EPHA8: variants seen among roughly 807,000 people sequenced by gnomAD.
The protein encoded by EPHA8 is EPH receptor A8.
A neutral mutation model predicts 103.6 loss-of-function variants in EPHA8; 58 were observed. The ratio of observed to expected loss-of-function variants is 0.56; its 90% CI spans 0.45 to 0.70. The LOEUF is 0.70. EPHA8 is among the 30% of genes least tolerant of loss of function. The probability of loss-of-function intolerance (pLI) is 0.00; values close to 1 mark genes in which losing one functional copy is unlikely to be tolerated. For synonymous variants in EPHA8, 559 were observed against 572.5 expected, an observed-to-expected ratio of 0.98 and a Z score of 0.34; for missense variants, 1,304 against 1,395.2, an observed-to-expected ratio of 0.93 and a Z score of 1.04.
intron 1 of EPHA8, among the ~76,000 whole-genome samples, chr1:22,568,647 TA>T (rs908799805): frequency 1.3e-5 from 2 of 152,344 alleles, no homozygotes; most frequent in African/African-American, 4.8e-5. Context: ...GGGTGCCCAC[TA>T]AGAGGCAGCT....
At position 22,596,364 on chromosome 1, in the gene EPHA8, C is replaced by T. The variant is rs1641518668; in HGVS notation, c.1765+191C>T. Reference sequence around the variant, plus strand: ...GCGCCGTTCATGCCTCCTGGACTCTCAGACCCCATTCAGGATGCTAGAGAT... The same window carrying T: ...GCGCCGTTCATGCCTCCTGGACTCTTAGACCCCATTCAGGATGCTAGAGAT... On this transcript the variant is annotated intron_variant, in intron 9 of 16. Coordinates refer to ENST00000166244, the MANE Select transcript of EPHA8 (RefSeq NM_020526.5). 3.3e-5 allele frequency among the ~76,000 whole-genome samples: 5 copies of T among 152,238 alleles called. No individual in the cohort carries two copies. In the South Asian group the frequency reaches 1.0e-3, roughly 31 times the overall value.
chr1:22,600,632 G>A (rs1198243102), intron 13 of EPHA8, 29 bp from the exon 14 acceptor site: 1 of 1,610,080 alleles, frequency 6.2e-7, no homozygotes, highest in Admixed American at 1.7e-5. Flanking sequence ...GGCCTGGGCA[G>A]CCCCTCAACT....
intron 8 of EPHA8, 62 bp from the exon 9 acceptor site, chr1:22,596,044 T>A: frequency 6.7e-7 from 1 of 1,503,696 alleles, no homozygotes; most frequent in Non-Finnish European, 9.2e-7. Context: ...GTTCCCTGGT[T>A]GGGGTCAGGT....
At chr1:22,583,330 G>A (rs1014540150) in intron 3 of EPHA8, among the ~76,000 whole-genome samples, 6 of 152,186 alleles carry the variant, frequency 3.9e-5, no homozygotes, top group East Asian at 1.9e-4. Flanking sequence ...TTTTCATTGC[G>A]TGGATTAATC....
chr1:22,589,101 G>A lies in EPHA8; in HGVS notation c.1210G>A (p.Ala404Thr), dbSNP rs751900514. 1.5e-5 allele frequency: 24 copies of A among 1,613,612 alleles called. No individual in the cohort carries two copies. Among genetic ancestry groups the A allele is most frequent in the Non-Finnish European group, 2.0e-5 (24 of 1,179,926 alleles). ...QASLLVANLL[A>T]HMNYSFWIEA... is the part of the protein sequence containing the mutation. The stretch of plus-strand genomic sequence containing the variant: ...CAGCCTGCTGGTGGCCAACCTGCTG[G>A]CCCACATGAACTACTCCTTCTGGAT... Residue 404 changes from alanine to threonine, a missense_variant, in exon 5 of 17, where the codon GCC (alanine) becomes ACC (threonine). Ala to Thr is a moderately conservative substitution (Grantham distance 58, BLOSUM62 0). Coordinates refer to ENST00000166244, the MANE Select transcript of EPHA8 (RefSeq NM_020526.5). The surrounding 1 kb of genome is among the most constrained non-coding windows in gnomAD (Gnocchi z 4.3).
rs181636465 is a variant in EPHA8 at position 22,587,402 on chromosome 1, C to T, written c.979+767C>T. Reference sequence around the variant, plus strand: ...TGTGAGCTCAGCACGTGTGTGTGTGCGTGTGCACACCTGGCCCTGCAAGGG... The same window carrying T: ...TGTGAGCTCAGCACGTGTGTGTGTGTGTGTGCACACCTGGCCCTGCAAGGG... On this transcript the variant is annotated intron_variant, in intron 4 of 16. Coordinates refer to ENST00000166244, the MANE Select transcript of EPHA8 (RefSeq NM_020526.5). Among the ~76,000 whole-genome samples the T allele has an allele frequency of 7.5e-3, 1,139 of 152,214 alleles. 10 individuals carry two copies. The highest frequency in any genetic ancestry group is 0.025 in the African/African-American group (1,055 of 41,508).
chr1:22,595,232 C>G lies in EPHA8; in HGVS notation c.1606C>G (p.Pro536Ala), dbSNP rs139374448. ...AMEVETGKPR[P>A]RYDTRTIVWI... ...CCAACCCTGGCTTTCCCCTGCAGGG[C>G]CCCGCTATGACACCAGGACCATTGT... The change falls in exon 8 of 17, where the codon CCC becomes GCC. Residue 536 changes from proline (P) to alanine (A), a missense_variant and splice_region_variant. By Grantham distance (27) the Pro-to-Ala change is conservative. Transcript: ENST00000166244. 3.7e-4 allele frequency: 603 copies of G among 1,608,894 alleles called. 1 individual carries two copies. In the Admixed American group the frequency reaches 9.7e-3, roughly 26 times the overall value.
In EPHA8 at chr1:22,598,863, T is replaced by C; in HGVS notation, c.2204T>C (p.Met735Thr). The C allele has an allele frequency of 6.2e-7, 1 of 1,612,692 alleles. No homozygotes were observed. The highest frequency in any genetic ancestry group is 1.1e-5 in the South Asian group (1 of 91,024). ...ACCCACGACGGGCAGTTCACCATCA[T>C]GCAGCTGGTGGGCATGCTGAGAGGA... ...LRTHDGQFTI[M>T]QLVGMLRGVG... Residue 735 changes from methionine to threonine, a missense_variant, in exon 13 of 17, where the codon ATG (methionine) becomes ACG (threonine). Physicochemically the swap from Met to Thr is moderately conservative, Grantham distance 81 (BLOSUM62 -1). Coordinates refer to ENST00000166244, the MANE Select transcript of EPHA8 (RefSeq NM_020526.5). This position sits in a 1 kb window ranked among gnomAD's most constrained non-coding sequence, Gnocchi z 5.1.
chr1:22,576,639 C>T lies in EPHA8; in HGVS notation c.582C>T (p.Ile194=). 4 of 1,613,938 alleles carry T rather than the reference C, an allele frequency of 2.5e-6. No individual in the cohort carries two copies. The highest frequency in any genetic ancestry group is 1.6e-4 in the Middle Eastern group (1 of 6,062). Residue 194 remains isoleucine, a synonymous_variant, in exon 3 of 17, where the codon ATC becomes ATT. Transcript: ENST00000166244. The surrounding 1 kb of genome is among the most constrained non-coding windows in gnomAD (Gnocchi z 4.8). ...AGGACATAGGTGCCTGCCTGGCCAT[C>T]CTCTCTCTCCGCATCTACTATAAGA... is the stretch of plus-strand genomic sequence containing the variant. ...AFQDIGACLA[I]LSLRIYYKKC...
intron 1 of EPHA8, among the ~76,000 whole-genome samples, chr1:22,566,036 C>T (rs1640349124): frequency 6.6e-6 from 1 of 152,192 alleles, no homozygotes; most frequent in Admixed American, 6.5e-5. Context: ...GCCTGTGCTC[C>T]CAGCTGGGTC....
chr1:22,578,252 CT>C (rs1188837810), intron 3 of EPHA8, among the ~76,000 whole-genome samples: 1 of 95,782 alleles, frequency 1.0e-5, no homozygotes, highest in Non-Finnish European at 2.1e-5. Flanking sequence ...ATGTGTGTGT[CT>C]GTATACCCGT....
chr1:22,596,092 G>A lies in EPHA8; in HGVS notation c.1698-14G>A, dbSNP rs377345132. Reference sequence around the variant, plus strand: ...GTGGCCTGGCCTCAGGCAGGGCGGTGCCCTCCTCTGCAGGCACTGTGGCTA... The same window carrying A: ...GTGGCCTGGCCTCAGGCAGGGCGGTACCCTCCTCTGCAGGCACTGTGGCTA... On this transcript the variant is annotated splice_polypyrimidine_tract_variant and intron_variant, in intron 8 of 16. Transcript: ENST00000166244. 3 of 1,613,498 alleles carry A rather than the reference G, an allele frequency of 1.9e-6. No homozygotes were observed. The highest frequency in any genetic ancestry group is 2.5e-6 in the Non-Finnish European group (3 of 1,179,818).
At position 22,574,155 on chromosome 1, in the gene EPHA8, A is replaced by G. The variant is rs149042069; in HGVS notation, c.160-2062A>G. On this transcript the variant is annotated intron_variant, in intron 2 of 16. Coordinates refer to ENST00000166244, the MANE Select transcript of EPHA8 (RefSeq NM_020526.5). Reference sequence around the variant, plus strand: ...CACCACGCCCGGCCAACTTTTTTGTATTTTTAGGAGAGACGGGGTTTCACT... The same window carrying G: ...CACCACGCCCGGCCAACTTTTTTGTGTTTTTAGGAGAGACGGGGTTTCACT... Among the ~76,000 whole-genome samples the G allele has an allele frequency of 1.1e-3, 161 of 151,806 alleles. 3 individuals are homozygous for G. In the East Asian group the frequency reaches 0.026, roughly 24 times the overall value.
In EPHA8 at chr1:22,589,517, A is replaced by G; in HGVS notation, c.1315+311A>G. The G allele has an allele frequency of 7.1e-7, 1 of 1,411,740 alleles. No individual in the cohort carries two copies. Among genetic ancestry groups the G allele is most frequent in the Non-Finnish European group, 9.2e-7 (1 of 1,088,456 alleles). The allele number at this position is 1,411,740 out of a possible 1,614,324, so 87.5% of individuals were successfully genotyped here. On this transcript the variant is annotated intron_variant, in intron 5 of 16. Transcript: ENST00000166244. The surrounding 1 kb of genome is among the most constrained non-coding windows in gnomAD (Gnocchi z 4.3). The stretch of plus-strand genomic sequence containing the variant: ...TCCCTGGTGCAATGGGAATAATAGT[A>G]CCTGCCTGAGGTCCTCTCAGGAGGC...
Position 22,597,534 on chromosome 1 carries a change from G to A in EPHA8, c.1930+58G>A. The A allele has an allele frequency of 6.3e-7, 1 of 1,584,878 alleles. No homozygotes were observed. Among genetic ancestry groups the A allele is most frequent in the Non-Finnish European group, 8.6e-7 (1 of 1,164,144 alleles). On this transcript the variant is annotated intron_variant, in intron 10 of 16. Coordinates refer to ENST00000166244, the MANE Select transcript of EPHA8 (RefSeq NM_020526.5). The surrounding 1 kb of genome is among the most constrained non-coding windows in gnomAD (Gnocchi z 4.6). ...CATGGGGCAAGGTGGGGGCACCCAG[G>A]GCAAGGTGGGGGCACCCAGGGCAGA...
At chr1:22,580,518 C>T (rs967668951) in intron 3 of EPHA8, among the ~76,000 whole-genome samples, 1 of 152,148 alleles carries the variant, frequency 6.6e-6, no homozygotes, top group Non-Finnish European at 1.5e-5. Context: ...CTCTAAACCC[C>T]AAAGCACCTT....
At chr1:22,585,340 C>T (rs1641173469) in intron 3 of EPHA8, among the ~76,000 whole-genome samples, 1 of 152,130 alleles carries the variant, frequency 6.6e-6, no homozygotes, top group African/African-American at 2.4e-5. Flanking sequence ...GCCTGTGAGG[C>T]ATGAAACAGG....
At chr1:22,565,136 C>T (rs1006689150) in intron 1 of EPHA8, among the ~76,000 whole-genome samples, 2 of 152,234 alleles carry the variant, frequency 1.3e-5, no homozygotes, top group African/African-American at 4.8e-5. Flanking sequence ...GATGCATGCA[C>T]ATGAAAATAC....
rs1319904657 is a variant in EPHA8, at chr1:22,593,660, C to T, written c.1577C>T (p.Ala526Val). The T allele has an allele frequency of 6.2e-7, 1 of 1,602,598 alleles. No individual in the cohort carries two copies. Among genetic ancestry groups the T allele is most frequent in the Non-Finnish European group, 8.5e-7 (1 of 1,174,884 alleles). ...TSAGCGRFSQ[A>V]MEVETGKPRP... ...GCAGGCTGTGGCCGCTTCAGCCAGGCCATGGAGGTGGAGACCGGGAAACCC... is the reference window on the plus strand; with the variant it reads ...GCAGGCTGTGGCCGCTTCAGCCAGGTCATGGAGGTGGAGACCGGGAAACCC... The change falls in exon 7 of 17, where the codon GCC becomes GTC. Residue 526 changes from alanine (A) to valine (V), a missense_variant. Ala to Val is a moderately conservative substitution (Grantham distance 64). Transcript: ENST00000166244.
Sources: allele counts gnomAD v4.1 joint callset (sites outside exome capture counted in the v4.1 genomes callset), GRCh38; gene constraint gnomAD v4.1.1; non-coding constraint Gnocchi (gnomAD v3.1); transcripts MANE v1.5; gene names NCBI Gene and HGNC (gene_info 2026-07-23, HGNC 2026-07-21).